WDR36: variants seen among roughly 807,000 people sequenced by gnomAD.
WDR36 encodes WD repeat domain 36.
A neutral mutation model predicts 112.7 loss-of-function variants in WDR36; 63 were observed. That is an observed-to-expected ratio of 0.56 (90% CI 0.46 to 0.69). The LOEUF (loss-of-function observed/expected upper bound fraction) is 0.69. Ranked by LOEUF, WDR36 falls within the 30% of genes least tolerant of loss-of-function variation. WDR36 has a pLI of 0.00. For missense variants in WDR36, 1,226 were observed against 1,070.3 expected, an observed-to-expected ratio of 1.15 and a Z score of -2.03; for synonymous variants, 410 against 362.2, an observed-to-expected ratio of 1.13 and a Z score of -1.50.
chr5:111,106,902 C>G (rs1386343233), intron 11 of WDR36, among the ~76,000 whole-genome samples: 2 of 151,400 alleles, frequency 1.3e-5, no homozygotes, highest in African/African-American at 2.4e-5. Context: ...TTATCCCCCC[C>G]AGGTAATTTC....
At chr5:111,124,072 A>T in intron 20 of WDR36, 36 bp from the exon 21 acceptor site, 1 of 1,607,034 alleles carries the variant, frequency 6.2e-7, no homozygotes, top group Non-Finnish European at 8.5e-7. Context: ...GTGATACTTG[A>T]ATTATTTGAA....
intron 2 of WDR36, among the ~76,000 whole-genome samples, chr5:111,095,700 C>CA (rs1289590280): frequency 6.6e-6 from 1 of 151,996 alleles, no homozygotes; most frequent in Non-Finnish European, 1.5e-5. Context: ...GTCCAAAATC[C>CA]AAAAAAATCC....
chr5:111,124,240 G>A (rs1273940402), intron 21 of WDR36, 51 bp downstream of exon 21: 1 of 1,409,822 alleles, frequency 7.1e-7, no homozygotes, highest in Non-Finnish European at 9.9e-7. Context: ...TTATTTTACT[G>A]TATATGAGGA....
In WDR36 at chr5:111,104,696, G is replaced by A; in HGVS notation, c.907-1G>A. The A allele has an allele frequency of 1.2e-6, 2 of 1,611,014 alleles. No individual in the cohort carries two copies. Among genetic ancestry groups the A allele is most frequent in the Non-Finnish European group, 1.7e-6 (2 of 1,177,726 alleles). On this transcript the variant is annotated splice_acceptor_variant, in intron 8 of 22. Coordinates refer to ENST00000513710, the MANE Select transcript of WDR36 (RefSeq NM_139281.3). LOFTEE classifies it high-confidence loss of function. ...GAACTGACGTTTTTATTTCTTGGCA[G>A]ATATGGATATTTGATGGTCCTACAG...
At chr5:111,115,378 TA>T (rs1242519201) in intron 16 of WDR36, among the ~76,000 whole-genome samples, 8 of 152,332 alleles carry the variant, frequency 5.3e-5, no homozygotes, top group African/African-American at 1.9e-4. Context: ...TAACAAGTTG[TA>T]GGTACTATTA....
At chr5:111,108,685 C>A (rs937236143) in intron 12 of WDR36, among the ~76,000 whole-genome samples, 9 of 151,342 alleles carry the variant, frequency 5.9e-5, no homozygotes, top group African/African-American at 2.2e-4. Flanking sequence ...ATTTTCCTTA[C>A]AACAGTCCTA....
chr5:111,129,985 C>G lies in WDR36; in HGVS notation c.*3102C>G, dbSNP rs6859454. ...ATGCTGTTTCATTATGTGTTAAATTCTTTCACTGAGCTCTTCCATATTCCT... is the reference window on the plus strand; with the variant it reads ...ATGCTGTTTCATTATGTGTTAAATTGTTTCACTGAGCTCTTCCATATTCCT... On this transcript the variant is annotated 3_prime_UTR_variant, in exon 23 of 23. Coordinates refer to ENST00000513710, the MANE Select transcript of WDR36 (RefSeq NM_139281.3). 0.013 allele frequency: 2,686 copies of G among 211,298 alleles called. 73 individuals carry two copies. Among genetic ancestry groups the G allele is most frequent in the African/African-American group, 0.057 (2,514 of 44,208 alleles). The allele number at this position is 211,298 out of a possible 1,614,324, so 13.1% of individuals were successfully genotyped here. A position where few individuals can be genotyped will look rare whatever the true frequency, so the allele number is the denominator to read the frequency against.
chr5:111,120,199 T>A (rs950937680), intron 17 of WDR36, among the ~76,000 whole-genome samples: 1 of 152,186 alleles, frequency 6.6e-6, no homozygotes, highest in African/African-American at 2.4e-5. Context: ...TAAAGGTTGA[T>A]ATATGTCAAA....
intron 16 of WDR36, among the ~76,000 whole-genome samples, chr5:111,114,047 G>T (rs890378820): frequency 6.6e-6 from 1 of 152,086 alleles, no homozygotes; most frequent in Admixed American, 6.6e-5. Flanking sequence ...CTTCGGATTT[G>T]GTTAAAACGT....
Position 111,094,965 on chromosome 5 carries a change from T to A in WDR36, c.190+18T>A, listed in dbSNP as rs1404374077. Reference sequence around the variant, plus strand: ...TGCAGTAAGTAAGTATGGACTTTATTCTGAATTTATGCACATCTAAACTTT... The same window carrying A: ...TGCAGTAAGTAAGTATGGACTTTATACTGAATTTATGCACATCTAAACTTT... On this transcript the variant is annotated intron_variant, in intron 2 of 22. Transcript: ENST00000513710. 4 of 1,602,820 alleles carry A rather than the reference T, an allele frequency of 2.5e-6. No individual in the cohort carries two copies. The highest frequency in any genetic ancestry group is 3.4e-6 in the Non-Finnish European group (4 of 1,173,072).
At chr5:111,104,388 C>G in intron 8 of WDR36, 36 bp downstream of exon 8, 1 of 1,610,444 alleles carries the variant, frequency 6.2e-7, no homozygotes. Flanking sequence ...CCTGGCTCAT[C>G]TAACTTACCC....
chr5:111,113,029 ATAAATAATATATATATATATATATT>A lies in WDR36; in HGVS notation c.1717-43_1717-19del. The A allele has an allele frequency of 2.7e-6, 1 of 367,838 alleles. No homozygotes were observed. Among genetic ancestry groups the A allele is most frequent in the Non-Finnish European group, 4.0e-6 (1 of 253,150 alleles). The allele number at this position is 367,838 out of a possible 1,614,324, so 22.8% of individuals were successfully genotyped here. A position where few individuals can be genotyped will look rare whatever the true frequency, so the allele number is the denominator to read the frequency against. On this transcript the variant is annotated intron_variant, in intron 15 of 22. Coordinates refer to ENST00000513710, the MANE Select transcript of WDR36 (RefSeq NM_139281.3). ...CAAATATATTCATATATATTTATAT[ATAAATAATATATATATATATATATT>A]TTTTTTTTTTAATTTAAAGGCTTTT...
At chr5:111,126,424 G>T (rs1753679824) in intron 22 of WDR36, among the ~76,000 whole-genome samples, 1 of 151,986 alleles carries the variant, frequency 6.6e-6, no homozygotes, top group Non-Finnish European at 1.5e-5. Flanking sequence ...TAATAGATTT[G>T]ATTCTTTATC....
chr5:111,120,676 T>G (rs764753167), intron 18 of WDR36, 83 bp downstream of exon 18: 1 of 1,119,408 alleles, frequency 8.9e-7, no homozygotes, highest in Non-Finnish European at 1.4e-6. Flanking sequence ...AGGCAAAGTT[T>G]AGTGCATTCA....
intron 4 of WDR36, 36 bp downstream of exon 4, chr5:111,098,875 G>A (rs755490506): frequency 1.5e-6 from 2 of 1,354,562 alleles, no homozygotes; most frequent in Admixed American, 1.7e-5. Context: ...TTATCTTAGG[G>A]TAGTATGTGT....
chr5:111,106,152 C>G lies in WDR36; in HGVS notation c.1180+9C>G. ...CACAAAGTTTGCAGCAGGTAAGTAACTTCAAACTGTGTTTTGAGAAGTTCT... is the reference window on the plus strand; with the variant it reads ...CACAAAGTTTGCAGCAGGTAAGTAAGTTCAAACTGTGTTTTGAGAAGTTCT... On this transcript the variant is annotated intron_variant, in intron 11 of 22. Transcript: ENST00000513710. 2 of 1,605,818 alleles carry G rather than the reference C, an allele frequency of 1.2e-6. No individual in the cohort carries two copies. The highest frequency in any genetic ancestry group is 2.2e-5 in the East Asian group (1 of 44,686).
At chr5:111,096,335 G>T (rs763140463) in intron 2 of WDR36, among the ~76,000 whole-genome samples, 1 of 152,162 alleles carries the variant, frequency 6.6e-6, no homozygotes, top group African/African-American at 2.4e-5. Context: ...TGGTCCAAAG[G>T]GTAGAGTTAG....
intron 22 of WDR36, 60 bp from the exon 23 acceptor site, chr5:111,126,674 T>A: frequency 1.3e-6 from 2 of 1,573,650 alleles, no homozygotes; most frequent in Non-Finnish European, 1.7e-6. Context: ...AAAAATTGAA[T>A]CCAGATTAGG....
At chr5:111,109,210 A>G (rs10039043) in intron 12 of WDR36, among the ~76,000 whole-genome samples, 20,569 of 151,266 alleles carry the variant, frequency 0.14, 1,492 homozygotes, top group South Asian at 0.28. Flanking sequence ...TCTTGATTGT[A>G]TAACTATACA....
Sources: allele counts gnomAD v4.1 joint callset (sites outside exome capture counted in the v4.1 genomes callset), GRCh38; gene constraint gnomAD v4.1.1; transcripts MANE v1.5; gene names NCBI Gene and HGNC (gene_info 2026-07-23, HGNC 2026-07-21).